CTNNA1: variants seen among roughly 807,000 people sequenced by gnomAD.
CTNNA1 encodes catenin alpha 1.
In CTNNA1, 37 loss-of-function variants were observed where a neutral mutation model predicts 98.4. The ratio of observed to expected loss-of-function variants is 0.38; its 90% CI spans 0.29 to 0.49. The LOEUF is 0.49. Ranked by LOEUF, CTNNA1 falls within the 20% of genes least tolerant of loss-of-function variation. CTNNA1 has a pLI of 0.95. For missense variants in CTNNA1, 761 were observed against 1,147.2 expected (o/e 0.66, Z 4.86); for synonymous variants, 404 against 413.2 (o/e 0.98, Z 0.27).
chr5:138,759,947 T>G (rs1468864408), intron 1 of CTNNA1, among the ~76,000 whole-genome samples: 1 of 151,666 alleles, frequency 6.6e-6, no homozygotes, highest in Admixed American at 6.6e-5. Flanking sequence ...TCTGCTGTTT[T>G]AGAATCTGGA....
intron 1 of CTNNA1, among the ~76,000 whole-genome samples, chr5:138,760,305 C>T (rs944186695): frequency 4.6e-5 from 7 of 151,230 alleles, no homozygotes; most frequent in Non-Finnish European, 7.4e-5. Flanking sequence ...GATTTCTTTC[C>T]TTTTAAAGGC....
At position 138,812,195 on chromosome 5, in the gene CTNNA1, A is replaced by G. The variant is rs1292294409; in HGVS notation, c.481A>G (p.Ile161Val). 3.7e-6 allele frequency: 6 copies of G among 1,613,458 alleles called. No individual in the cohort carries two copies. Among genetic ancestry groups the G allele is most frequent in the African/African-American group, 1.3e-5 (1 of 74,880 alleles). ...TCTTATTTTATAGGTGGAAGATGGT[A>G]TCTTGAAGTTGAGGAATGCTGGCAA... is the stretch of plus-strand genomic sequence containing the variant. ...LVQLKVVEDG[I>V]LKLRNAGNEQ... The change falls in exon 5 of 18, where the codon ATC (isoleucine) becomes GTC (valine). Residue 161 changes from isoleucine to valine, a missense_variant. Physicochemically the swap from Ile to Val is conservative, Grantham distance 29. Transcript: ENST00000302763.
At chr5:138,882,117 GTAGT>G (rs2149997994) in intron 7 of CTNNA1, among the ~76,000 whole-genome samples, 1 of 152,306 alleles carries the variant, frequency 6.6e-6, no homozygotes, top group African/African-American at 2.4e-5. Flanking sequence ...AAGTCAACAG[GTAGT>G]TATCCTAAGG....
chr5:138,791,336 C>T (rs756146620), intron 3 of CTNNA1, among the ~76,000 whole-genome samples: 15 of 151,906 alleles, frequency 9.9e-5, no homozygotes, highest in Non-Finnish European at 1.9e-4. Context: ...TAAAAAATGT[C>T]GGCCGGGTGC....
chr5:138,893,217 C>T (rs1475188415), intron 9 of CTNNA1, among the ~76,000 whole-genome samples: 1 of 152,084 alleles, frequency 6.6e-6, no homozygotes, highest in Admixed American at 6.5e-5. Context: ...TGGAGGCTGT[C>T]ATCATTCCGG....
rs182539218 is a variant in CTNNA1, at chr5:138,827,484, G to A, written c.859-31G>A. On this transcript the variant is annotated intron_variant, in intron 6 of 17. Coordinates refer to ENST00000302763, the MANE Select transcript of CTNNA1 (RefSeq NM_001903.5). ...TGAATAAAGAAGGGAACAGAGATGA[G>A]TACTAACATTCGGTAATACTTTCTC... The A allele has an allele frequency of 3.1e-6, 5 of 1,607,940 alleles. No homozygotes were observed. In the African/African-American group the frequency reaches 5.3e-5, roughly 17 times the overall value.
rs749980248 is a variant in CTNNA1, at chr5:138,824,660, A to C, written c.719A>C (p.Asn240Thr). The change falls in exon 6 of 18, where the codon AAC becomes ACC. Residue 240 changes from asparagine (N) to threonine (T), a missense_variant. Transcript: ENST00000302763. The stretch of plus-strand genomic sequence containing the variant: ...CCTGATGTCGCAGCCTATAAGGCCA[A>C]CAGGGACCTGATATACAAGCAGCTG... ...QHPDVAAYKA[N>T]RDLIYKQLQQ... is the part of the protein sequence containing the mutation. The C allele has an allele frequency of 3.1e-6, 5 of 1,614,122 alleles. No homozygotes were observed. In the African/African-American group the frequency reaches 6.7e-5, roughly 22 times the overall value.
intron 3 of CTNNA1, among the ~76,000 whole-genome samples, chr5:138,808,261 C>A (rs2149722047): frequency 6.6e-6 from 1 of 152,270 alleles, no homozygotes; most frequent in Admixed American, 6.5e-5. Context: ...AATTTTTTGT[C>A]TCCCTCCTTC....
At chr5:138,886,734 A>G (rs1426825235) in intron 8 of CTNNA1, among the ~76,000 whole-genome samples, 2 of 152,080 alleles carry the variant, frequency 1.3e-5, no homozygotes, top group Non-Finnish European at 2.9e-5. Context: ...AGGTATAGAG[A>G]TATTTGAGGT....
intron 7 of CTNNA1, among the ~76,000 whole-genome samples, chr5:138,855,115 T>G (rs1195904795): frequency 6.6e-6 from 1 of 152,222 alleles, no homozygotes; most frequent in African/African-American, 2.4e-5. Flanking sequence ...CTCGGCTCAC[T>G]GCAACCTCCG....
chr5:138,912,274 G>A (rs772629921), intron 10 of CTNNA1, among the ~76,000 whole-genome samples: 3 of 152,132 alleles, frequency 2.0e-5, no homozygotes, highest in Non-Finnish European at 2.9e-5. Context: ...AAAAGCGGGG[G>A]AGTTTCTAGG....
At chr5:138,930,801 A>G in intron 15 of CTNNA1, 29 bp from the exon 16 acceptor site, 1 of 1,553,338 alleles carries the variant, frequency 6.4e-7, no homozygotes, top group Non-Finnish European at 8.9e-7. Context: ...TTCACATACA[A>G]TAATCCTTGT....
intron 1 of CTNNA1, among the ~76,000 whole-genome samples, chr5:138,770,124 C>T (rs548679759): frequency 2.2e-4 from 34 of 152,324 alleles, no homozygotes; most frequent in Non-Finnish European, 2.9e-4. Flanking sequence ...TGTGAGCCAT[C>T]GTGCCCGGTG....
intron 16 of CTNNA1, 113 bp from the exon 17 acceptor site, chr5:138,932,465 C>T (rs1000955498): frequency 8.7e-6 from 13 of 1,490,720 alleles, no homozygotes; most frequent in Non-Finnish European, 1.1e-5. Flanking sequence ...TTTGCTCCAG[C>T]AAGAGGAGAG....
At chr5:138,818,032 A>T (rs571059913) in intron 5 of CTNNA1, among the ~76,000 whole-genome samples, 12 of 151,890 alleles carry the variant, frequency 7.9e-5, no homozygotes, top group African/African-American at 2.7e-4. Flanking sequence ...CCGCCCCCAC[A>T]ACCAAGTAGC....
chr5:138,846,841 C>T (rs1848505), intron 7 of CTNNA1, among the ~76,000 whole-genome samples: 98,880 of 152,072 alleles, frequency 0.65, 32,919 homozygotes, highest in East Asian at 0.93. Context: ...TGTCTTCTCT[C>T]TGAAAAAGTG....
chr5:138,909,619 T>G (rs908036288), intron 10 of CTNNA1, among the ~76,000 whole-genome samples: 2 of 152,194 alleles, frequency 1.3e-5, no homozygotes, highest in Non-Finnish European at 1.5e-5. Context: ...GATTTCAGCC[T>G]GTGAGCCACT....
chr5:138,880,495 G>A (rs557675754), intron 7 of CTNNA1, among the ~76,000 whole-genome samples: 4 of 152,228 alleles, frequency 2.6e-5, no homozygotes, highest in East Asian at 3.9e-4. Context: ...CCTCCCCGCC[G>A]CCCCTTTTAA....
At chr5:138,929,060 C>T (rs1339197298) in intron 13 of CTNNA1, among the ~76,000 whole-genome samples, 186 bp from the exon 14 acceptor site, 4 of 152,228 alleles carry the variant, frequency 2.6e-5, no homozygotes, top group Non-Finnish European at 4.4e-5. Context: ...CCAGCGTGTG[C>T]ACCAGTGAAG....
Sources: gnomAD v4.1 joint callset for allele counts (sites outside exome capture counted in the v4.1 genomes callset) on GRCh38, gnomAD v4.1.1 for gene constraint, MANE v1.5 for transcripts, NCBI Gene and HGNC (gene_info 2026-07-23, HGNC 2026-07-21) for gene names.